Variants in SCFD2 observed in about 807,000 individuals in gnomAD.
The protein encoded by SCFD2 is sec1 family domain containing 2, also known as sec1 family domain-containing protein 2.
A neutral mutation model predicts 58.9 loss-of-function variants in SCFD2; 54 were observed. The observed-to-expected ratio is 0.92, with a 90% CI of 0.74 to 1.15. SCFD2 has a LOEUF of 1.15. SCFD2 is among the 50% of genes most tolerant of loss of function. SCFD2 has a pLI of 0.00. For synonymous variants in SCFD2, 321 were observed against 335.9 expected (o/e 0.96, Z 0.49); for missense variants, 805 against 836.6 (o/e 0.96, Z 0.47).
chr4:53,366,026 C>G lies in SCFD2; in HGVS notation c.-85G>C, dbSNP rs1560468197. 6.9e-7 allele frequency: 1 copy of G among 1,459,160 alleles called. No individual in the cohort carries two copies. Among genetic ancestry groups the G allele is most frequent in the Non-Finnish European group, 9.1e-7 (1 of 1,096,454 alleles). 90.4% of individuals were successfully genotyped at this position (1,459,160 alleles called of 1,614,324 possible). ...CTTCCGGAAATTGGGCTCCGGGAGA[C>G]TTTGACAGTCTCCACAGTACACGTG... On this transcript the variant is annotated 5_prime_UTR_variant, in exon 1 of 9. Transcript: ENST00000401642.
intron 5 of SCFD2, among the ~76,000 whole-genome samples, chr4:53,099,425 C>T (rs115262516): frequency 0.015 from 2,208 of 152,258 alleles, 20 homozygotes; most frequent in Middle Eastern, 0.034. Context: ...GGCATCTTAG[C>T]CTACTTTGTG....
At chr4:53,224,517 C>T (rs527246405) in intron 4 of SCFD2, among the ~76,000 whole-genome samples, 10 of 152,286 alleles carry the variant, frequency 6.6e-5, no homozygotes, top group African/African-American at 2.4e-4. Context: ...CATGCGTAGG[C>T]ACTGCAGCTG....
chr4:53,338,537 T>C (rs1733749445), intron 2 of SCFD2, among the ~76,000 whole-genome samples: 1 of 140,046 alleles, frequency 7.1e-6, no homozygotes. Context: ...AGGTTTCTCA[T>C]AAAAAAGATG....
At chr4:53,070,796 C>G (rs1487736458) in intron 5 of SCFD2, among the ~76,000 whole-genome samples, 7 of 152,054 alleles carry the variant, frequency 4.6e-5, no homozygotes, top group Non-Finnish European at 1.0e-4. Flanking sequence ...TAGGTTTATA[C>G]ATTAAAATAC....
At chr4:53,026,882 A>G (rs1404469981) in intron 5 of SCFD2, among the ~76,000 whole-genome samples, 1 of 152,274 alleles carries the variant, frequency 6.6e-6, no homozygotes, top group Non-Finnish European at 1.5e-5. Flanking sequence ...TCCAAAGTTG[A>G]CAATGGTTAC....
intron 5 of SCFD2, among the ~76,000 whole-genome samples, chr4:52,930,139 A>G (rs1356419948): frequency 2.0e-5 from 3 of 152,212 alleles, no homozygotes; most frequent in Admixed American, 6.5e-5. Flanking sequence ...ACAGCATGGT[A>G]CTGGTACAAA....
chr4:52,964,701 C>T (rs1720921949), intron 5 of SCFD2, among the ~76,000 whole-genome samples: 2 of 152,072 alleles, frequency 1.3e-5, no homozygotes, highest in South Asian at 4.1e-4. Context: ...CACACACACA[C>T]ACACACACAC....
At chr4:53,339,212 A>G (rs545071249) in intron 2 of SCFD2, among the ~76,000 whole-genome samples, 372 of 152,188 alleles carry the variant, frequency 2.4e-3, no homozygotes, top group Non-Finnish European at 4.1e-3. Context: ...TAAGATGACT[A>G]AATTACTTGT....
At chr4:53,195,920 C>T (rs760494647) in intron 4 of SCFD2, among the ~76,000 whole-genome samples, 1 of 152,130 alleles carries the variant, frequency 6.6e-6, no homozygotes, top group African/African-American at 2.4e-5. Context: ...AAATAAATAG[C>T]TACTCTAATC....
intron 5 of SCFD2, among the ~76,000 whole-genome samples, chr4:53,021,413 T>A (rs533732042): frequency 7.0e-4 from 106 of 152,208 alleles, no homozygotes; most frequent in Non-Finnish European, 9.8e-4. Flanking sequence ...TTCCTGTAGG[T>A]TTAGTTTAAA....
chr4:53,019,099 G>A (rs1334490681), intron 5 of SCFD2, among the ~76,000 whole-genome samples: 3 of 152,276 alleles, frequency 2.0e-5, no homozygotes, highest in Non-Finnish European at 4.4e-5. Flanking sequence ...CCTTAAAAAG[G>A]ATTATAACCT....
At chr4:53,313,290 T>C (rs545629022) in intron 3 of SCFD2, among the ~76,000 whole-genome samples, 1 of 152,020 alleles carries the variant, frequency 6.6e-6, no homozygotes, top group Non-Finnish European at 1.5e-5. Flanking sequence ...ATAAGTGGGG[T>C]AATAGGGGAA....
At chr4:53,125,975 G>A (rs1453026547) in intron 5 of SCFD2, among the ~76,000 whole-genome samples, 1 of 152,220 alleles carries the variant, frequency 6.6e-6, no homozygotes, top group Non-Finnish European at 1.5e-5. Context: ...CAAAGAGGCT[G>A]CAGCTGGATA....
At chr4:53,311,699 A>AAT (rs1246402466) in intron 3 of SCFD2, among the ~76,000 whole-genome samples, 1 of 151,546 alleles carries the variant, frequency 6.6e-6, no homozygotes, top group Non-Finnish European at 1.5e-5. Flanking sequence ...GCAGTGGCGC[A>AAT]ATCTCAGCTC....
Position 53,273,872 on chromosome 4 carries a change from G to A in SCFD2, c.1265C>T (p.Thr422Ile). The A allele has an allele frequency of 6.2e-7, 1 of 1,613,852 alleles. No homozygotes were observed. The highest frequency in any genetic ancestry group is 8.5e-7 in the Non-Finnish European group (1 of 1,179,854). Reference sequence around the variant, plus strand: ...AGCCAGAAAGTTGTCCCACTTGGCAGTCTGTGGGTGTTTCAACGTTTGAGC... The same window carrying A: ...AGCCAGAAAGTTGTCCCACTTGGCAATCTGTGGGTGTTTCAACGTTTGAGC... ...ATAQTLKHPQ[T>I]AKWDNFLAFE... Residue 422 changes from threonine (T) to isoleucine (I), a missense_variant, in exon 4 of 9, where the codon ACT becomes ATT. Around this residue, in one of 3 missense-constraint regions of SCFD2, gnomAD observed 633 missense variants for 646.8 expected, o/e 0.98. Transcript: ENST00000401642.
At chr4:53,287,224 CA>C (rs1439937894) in intron 3 of SCFD2, among the ~76,000 whole-genome samples, 1 of 152,110 alleles carries the variant, frequency 6.6e-6, no homozygotes, top group African/African-American at 2.4e-5. Context: ...AGTAGTTCAG[CA>C]AAACACTGAG....
At chr4:53,193,622 T>C (rs1727977114) in intron 4 of SCFD2, among the ~76,000 whole-genome samples, 1 of 152,152 alleles carries the variant, frequency 6.6e-6, no homozygotes, top group South Asian at 2.1e-4. Context: ...CAAAGGGAAC[T>C]TTTGAGACTA....
chr4:53,176,712 G>A lies in SCFD2; in HGVS notation c.1312-31130C>T, dbSNP rs186745298. Among the ~76,000 whole-genome samples the A allele has an allele frequency of 2.7e-3, 413 of 152,310 alleles. 1 individual carries two copies. The highest frequency in any genetic ancestry group is 9.5e-3 in the African/African-American group (395 of 41,570). ...CGCCTGTAATCCCAGCACTTTGGGA[G>A]TCCAAGGCGGGTGAATCACCTGAGT... On this transcript the variant is annotated intron_variant, in intron 4 of 8. Coordinates refer to ENST00000401642, the MANE Select transcript of SCFD2 (RefSeq NM_152540.4).
At chr4:52,921,253 A>C (rs1020632561) in intron 5 of SCFD2, among the ~76,000 whole-genome samples, 1 of 152,150 alleles carries the variant, frequency 6.6e-6, no homozygotes, top group Non-Finnish European at 1.5e-5. Context: ...TTATGATCAA[A>C]CTCACTTGCT....
Sources: allele counts gnomAD v4.1 joint callset (sites outside exome capture counted in the v4.1 genomes callset), GRCh38; gene constraint gnomAD v4.1.1; regional missense constraint gnomAD v4.1.1; transcripts MANE v1.5; gene names NCBI Gene and HGNC (gene_info 2026-07-23, HGNC 2026-07-21).